The following RGS6 variants were observed in gnomAD, a reference collection of about 807,000 sequenced individuals.
RGS6 encodes regulator of G protein signaling 6.
A neutral mutation model predicts 78.5 loss-of-function variants in RGS6; 30 were observed. The observed-to-expected ratio is 0.38, with a 90% CI of 0.29 to 0.52. RGS6 has a LOEUF of 0.52. RGS6 is among the 20% of genes least tolerant of loss of function. The probability of loss-of-function intolerance (pLI) is 0.85; values close to 1 mark genes in which losing one functional copy is unlikely to be tolerated. For synonymous variants in RGS6, 206 were observed against 206.0 expected, an observed-to-expected ratio of 1.00 and a Z score of 0.00; for missense variants, 495 against 609.7, an observed-to-expected ratio of 0.81 and a Z score of 1.98.
chr14:71,875,919 G>A, the RGS6 span, among the ~76,000 whole-genome samples: 2 of 152,174 alleles, frequency 1.3e-5, no homozygotes, highest in Non-Finnish European at 2.9e-5. Flanking sequence ...AGTCATTCAG[G>A]AGCATGTTGT....
chr14:71,931,062 C>T (rs1276829901), upstream of RGS6, among the ~76,000 whole-genome samples: 1 of 146,994 alleles, frequency 6.8e-6, no homozygotes, highest in Non-Finnish European at 1.5e-5. Flanking sequence ...CTACCTTTCG[C>T]TCCATGTACA....
At chr14:71,914,344 G>T in the RGS6 span, among the ~76,000 whole-genome samples, 2 of 152,170 alleles carry the variant, frequency 1.3e-5, no homozygotes, top group Non-Finnish European at 2.9e-5. Context: ...AGGTTGCTTT[G>T]GTTGTCCTGG....
At chr14:72,104,288 C>T (rs1472805716) in intron 2 of RGS6, among the ~76,000 whole-genome samples, 1 of 152,114 alleles carries the variant, frequency 6.6e-6, no homozygotes, top group African/African-American at 2.4e-5. Flanking sequence ...AATTCTCATT[C>T]TTGATTCTTA....
intron 1 of RGS6, among the ~76,000 whole-genome samples, chr14:71,946,263 G>A (rs897386772): frequency 6.6e-6 from 1 of 152,158 alleles, no homozygotes; most frequent in African/African-American, 2.4e-5. Context: ...CTTCCCAGTT[G>A]CAGAATAGGG....
chr14:72,253,679 G>A (rs2056397836), intron 2 of RGS6, among the ~76,000 whole-genome samples: 1 of 152,174 alleles, frequency 6.6e-6, no homozygotes, highest in African/African-American at 2.4e-5. Flanking sequence ...TGTGGCACTT[G>A]CTTTGCCTAG....
intron 2 of RGS6, among the ~76,000 whole-genome samples, chr14:72,223,334 C>T (rs942326643): frequency 6.6e-6 from 1 of 152,174 alleles, no homozygotes; most frequent in Non-Finnish European, 1.5e-5. Flanking sequence ...CAAATGGCGA[C>T]GTAGCATTGA....
At chr14:71,926,285 T>G in the RGS6 span, among the ~76,000 whole-genome samples, 12 of 152,178 alleles carry the variant, frequency 7.9e-5, no homozygotes, top group Non-Finnish European at 1.3e-4. Context: ...CTATGTTCTT[T>G]AGAATATCAA....
chr14:72,501,826 A>G (rs1180733200), intron 13 of RGS6, among the ~76,000 whole-genome samples: 1 of 152,196 alleles, frequency 6.6e-6, no homozygotes, highest in East Asian at 1.9e-4. Flanking sequence ...GCTACAAGGA[A>G]CCTGGCTTGT....
intron 2 of RGS6, among the ~76,000 whole-genome samples, chr14:72,257,959 A>C (rs974091552): frequency 6.6e-6 from 1 of 152,246 alleles, no homozygotes; most frequent in Non-Finnish European, 1.5e-5. Flanking sequence ...ACTGAATTCA[A>C]ACAGCTAATT....
chr14:72,033,818 C>G (rs2091284066), intron 2 of RGS6, among the ~76,000 whole-genome samples: 1 of 152,106 alleles, frequency 6.6e-6, no homozygotes, highest in Non-Finnish European at 1.5e-5. Flanking sequence ...AACTGCTGTC[C>G]TGTTTTCCAC....
chr14:72,206,084 G>A (rs2042640134), intron 2 of RGS6, among the ~76,000 whole-genome samples: 3 of 152,170 alleles, frequency 2.0e-5, no homozygotes, highest in Admixed American at 1.3e-4. Context: ...GTAAGAAAAC[G>A]TTGGAAACAA....
chr14:72,376,004 A>G (rs1359333329), intron 3 of RGS6, among the ~76,000 whole-genome samples: 4 of 152,250 alleles, frequency 2.6e-5, no homozygotes, highest in Non-Finnish European at 4.4e-5. Flanking sequence ...ATAATTCCCT[A>G]GTAATAAACC....
chr14:71,964,959 T>C, intron 2 of RGS6, 84 bp downstream of exon 2: 1 of 1,008,448 alleles, frequency 9.9e-7, no homozygotes, highest in Non-Finnish European at 1.4e-6. Flanking sequence ...ACAAATGTTT[T>C]CTGCCTAAAC....
rs59943776 is a variant in RGS6 at position 72,548,348 on chromosome 14, CGTGTGTGT to C, written c.1422+8271_1422+8278del. On this transcript the variant is annotated intron_variant, in intron 17 of 17. Transcript: ENST00000553525. ...ATATTTGTGTGTGTGTGTGTGCGCGCGTGTGTGTGTGTGTGTGTGTGTGTTTTAAATTC... is the reference window on the plus strand; with the variant it reads ...ATATTTGTGTGTGTGTGTGTGCGCGCGTGTGTGTGTGTGTGTTTTAAATTC... 3.3e-3 allele frequency among the ~76,000 whole-genome samples: 429 copies of C among 129,550 alleles called. 2 individuals carry two copies. The highest frequency in any genetic ancestry group is 0.013 in the African/African-American group (416 of 31,972). 85.0% of individuals were successfully genotyped at this position (129,550 alleles called of 152,430 possible).
In RGS6 at chr14:72,234,350, C is replaced by A. The variant is rs543767943; in HGVS notation, c.85-117745C>A. Reference sequence around the variant, plus strand: ...TGAAGACCTGGGAAACTGACACATACTATCTTGACTCATAAGAGACTGATG... The same window carrying A: ...TGAAGACCTGGGAAACTGACACATAATATCTTGACTCATAAGAGACTGATG... On this transcript the variant is annotated intron_variant, in intron 2 of 17. Transcript: ENST00000553525. Among the ~76,000 whole-genome samples, 18 of 151,924 alleles carry A rather than the reference C, an allele frequency of 1.2e-4. No homozygotes were observed. The South Asian group carries it at 3.5e-3, about 30-fold the overall frequency.
In RGS6 at chr14:72,462,191, C is replaced by G. The variant is rs142924631; in HGVS notation, c.394+2508C>G. On this transcript the variant is annotated intron_variant, in intron 6 of 17. Coordinates refer to ENST00000553525, the MANE Select transcript of RGS6 (RefSeq NM_001204424.2). ...GAGATTTGAATAAGTCACAGCCTTTCCCCGCAAGCATTCCAGGCTGGGAGA... is the reference window on the plus strand; with the variant it reads ...GAGATTTGAATAAGTCACAGCCTTTGCCCGCAAGCATTCCAGGCTGGGAGA... 7.9e-3 allele frequency among the ~76,000 whole-genome samples: 1,210 copies of G among 152,300 alleles called. 24 individuals are homozygous for G. Among genetic ancestry groups the G allele is most frequent in the African/African-American group, 0.028 (1,154 of 41,556 alleles).
At chr14:72,311,715 C>T (rs868524621) in intron 2 of RGS6, among the ~76,000 whole-genome samples, 2 of 152,156 alleles carry the variant, frequency 1.3e-5, no homozygotes, top group African/African-American at 4.8e-5. Context: ...TCAAAGTGCT[C>T]CATTCATTGT....
At chr14:72,460,364 T>C (rs911730557) in intron 6 of RGS6, among the ~76,000 whole-genome samples, 1 of 152,246 alleles carries the variant, frequency 6.6e-6, no homozygotes, top group African/African-American at 2.4e-5. Flanking sequence ...ACCCTCACAC[T>C]ACCACATTGT....
At chr14:72,470,437 G>T (rs192575639) in intron 8 of RGS6, among the ~76,000 whole-genome samples, 69 of 152,328 alleles carry the variant, frequency 4.5e-4, no homozygotes, top group African/African-American at 1.6e-3. Flanking sequence ...TTGTCTTCAT[G>T]GGAAAACAGG....
Sources: gnomAD v4.1 joint callset for allele counts (sites outside exome capture counted in the v4.1 genomes callset) on GRCh38, gnomAD v4.1.1 for gene constraint, MANE v1.5 for transcripts, NCBI Gene and HGNC (gene_info 2026-07-23, HGNC 2026-07-21) for gene names.